IFNG-AS1: variants seen among roughly 807,000 people sequenced by gnomAD.
The protein encoded by IFNG-AS1 is IFNG regulatory antisense RNA 1.
chr12:68,010,477 C>A (rs1451559843), intron 3 of IFNG-AS1, among the ~76,000 whole-genome samples: 1 of 152,188 alleles, frequency 6.6e-6, no homozygotes, highest in East Asian at 1.9e-4. Flanking sequence ...CAGTTTCAAA[C>A]CTTACTTCCC....
At chr12:68,001,198 C>CA (rs1879760194) in intron 2 of IFNG-AS1, among the ~76,000 whole-genome samples, 1 of 152,078 alleles carries the variant, frequency 6.6e-6, no homozygotes, top group Non-Finnish European at 1.5e-5. Context: ...GCTGTCTTAA[C>CA]TTTTTTTTCA....
At chr12:67,989,960 A>C (rs1879465255) in intron 1 of IFNG-AS1, among the ~76,000 whole-genome samples, 1 of 152,016 alleles carries the variant, frequency 6.6e-6, no homozygotes, top group African/African-American at 2.4e-5. Flanking sequence ...ATTTCTTCTT[A>C]ACATGGTCAC....
At chr12:68,018,376 G>T in intron 3 of IFNG-AS1, among the ~76,000 whole-genome samples, 1 of 152,034 alleles carries the variant, frequency 6.6e-6, no homozygotes, top group South Asian at 2.1e-4. Flanking sequence ...ATACTCTCAG[G>T]GAACTCATCT....
At chr12:68,009,472 G>A (rs887054346) in intron 3 of IFNG-AS1, among the ~76,000 whole-genome samples, 26 of 152,278 alleles carry the variant, frequency 1.7e-4, no homozygotes, top group African/African-American at 6.0e-4. Flanking sequence ...CTCCTGAGTA[G>A]CTGGGACTAC....
intron 3 of IFNG-AS1, chr12:68,019,849 T>C (rs1880244608): frequency 6.6e-6 from 1 of 152,142 alleles, no homozygotes; most frequent in Non-Finnish European, 1.5e-5. Context: ...ATTAACTATG[T>C]CTTTTGTTAC....
chr12:68,002,230 A>C (rs1879785759), intron 2 of IFNG-AS1, among the ~76,000 whole-genome samples: 1 of 152,156 alleles, frequency 6.6e-6, no homozygotes, highest in South Asian at 2.1e-4. Flanking sequence ...CTCCTCCTAA[A>C]CCGGCAAATG....
chr12:67,997,575 T>C (rs572325907), intron 2 of IFNG-AS1, among the ~76,000 whole-genome samples: 1 of 151,754 alleles, frequency 6.6e-6, no homozygotes, highest in African/African-American at 2.4e-5. Flanking sequence ...AATTTCTATT[T>C]AACGTTGGTA....
intron 4 of IFNG-AS1, chr12:68,020,223 C>T (rs1032792512): frequency 3.3e-5 from 5 of 151,976 alleles, no homozygotes; most frequent in South Asian, 2.1e-4. Context: ...GCATGACACA[C>T]GAATCATGAC....
chr12:68,017,886 C>T (rs1327499365), intron 3 of IFNG-AS1, among the ~76,000 whole-genome samples: 1 of 152,146 alleles, frequency 6.6e-6, no homozygotes, highest in Non-Finnish European at 1.5e-5. Flanking sequence ...ATAACTGGTT[C>T]ATATGGGTAT....
intron 3 of IFNG-AS1, among the ~76,000 whole-genome samples, chr12:68,015,993 T>C (rs1292140408): frequency 1.3e-5 from 2 of 152,126 alleles, no homozygotes; most frequent in African/African-American, 2.4e-5. Flanking sequence ...CTTCAAATTA[T>C]TGTCTATCTC....
chr12:68,002,992 T>C (rs2120440518), intron 2 of IFNG-AS1, among the ~76,000 whole-genome samples: 1 of 152,342 alleles, frequency 6.6e-6, no homozygotes, highest in East Asian at 1.9e-4. Context: ...ATATAAGGAC[T>C]AAGAGCGTGT....
intron 3 of IFNG-AS1, among the ~76,000 whole-genome samples, chr12:68,010,089 T>C (rs1455098833): frequency 6.6e-6 from 1 of 152,230 alleles, no homozygotes; most frequent in Non-Finnish European, 1.5e-5. Context: ...AGGGACTCCA[T>C]GAACACTTCT....
rs530946197 is a variant in IFNG-AS1 at position 68,007,154 on chromosome 12, T to C, written n.241+1008T>C. Among the ~76,000 whole-genome samples the C allele has an allele frequency of 1.1e-4, 16 of 152,340 alleles. No homozygotes were observed. The East Asian group carries it at 2.7e-3, about 26-fold the overall frequency. ...CCTCCTTGTTGTGTGACCTTGGGCA[T>C]GTTCCCCTGTGCTTCCATGCCTCCA... is the stretch of plus-strand genomic sequence containing the variant. On this transcript the variant is annotated intron_variant and non_coding_transcript_variant, in intron 3 of 5. Transcript: ENST00000536914.
chr12:68,013,472 T>G (rs1177706265), intron 3 of IFNG-AS1: 1 of 152,210 alleles, frequency 6.6e-6, no homozygotes, highest in East Asian at 1.9e-4. Context: ...ACAAATATAT[T>G]TAATCTTTGA....
chr12:68,003,733 C>T (rs1303481746), intron 2 of IFNG-AS1, among the ~76,000 whole-genome samples: 1 of 151,922 alleles, frequency 6.6e-6, no homozygotes, highest in Non-Finnish European at 1.5e-5. Flanking sequence ...GCTAACACGG[C>T]AAAACCCCGT....
At chr12:68,002,197 T>A (rs1219968057) in intron 2 of IFNG-AS1, among the ~76,000 whole-genome samples, 1 of 152,136 alleles carries the variant, frequency 6.6e-6, no homozygotes, top group Non-Finnish European at 1.5e-5. Context: ...TCAGTGAACC[T>A]CTCTCTAAAA....
intron 2 of IFNG-AS1, among the ~76,000 whole-genome samples, chr12:67,997,980 A>T (rs1325948672): frequency 6.6e-6 from 1 of 152,124 alleles, no homozygotes; most frequent in Non-Finnish European, 1.5e-5. Flanking sequence ...TTGGCAAAAA[A>T]ATTAAAAATA....
At chr12:67,995,981 G>A (rs1378671744) in exon 2 of IFNG-AS1, 1 of 152,140 alleles carries the variant, frequency 6.6e-6, no homozygotes, top group African/African-American at 2.4e-5. Flanking sequence ...GATGATGGTG[G>A]CAATCTTAAG....
intron 2 of IFNG-AS1, among the ~76,000 whole-genome samples, chr12:67,999,751 G>A (rs952295594): frequency 1.3e-5 from 2 of 152,106 alleles, no homozygotes; most frequent in Non-Finnish European, 2.9e-5. Context: ...TTGGCGATGA[G>A]TGGGGCAATA....
Sources: gnomAD v4.1 joint callset for allele counts (sites outside exome capture counted in the v4.1 genomes callset) on GRCh38, gnomAD v4.1.1 for gene constraint, MANE v1.5 for transcripts, NCBI Gene and HGNC (gene_info 2026-07-23, HGNC 2026-07-21) for gene names.